Variants in MACF1 observed in about 807,000 individuals in gnomAD.
MACF1 encodes microtubule-actin cross-linking factor 1.
In MACF1, 193 loss-of-function variants were observed where a neutral mutation model predicts 854.8. The observed-to-expected ratio is 0.23, with a 90% CI of 0.20 to 0.25. MACF1 has a LOEUF of 0.25. Ranked by LOEUF, MACF1 falls within the 10% of genes least tolerant of loss-of-function variation. MACF1 has a pLI of 1.00. For missense variants in MACF1, 7,722 were observed against 8,929.1 expected, an observed-to-expected ratio of 0.86 and a Z score of 5.45; for synonymous variants, 3,185 against 3,226.7, an observed-to-expected ratio of 0.99 and a Z score of 0.44.
intron 2 of MACF1, among the ~76,000 whole-genome samples, chr1:39,165,303 GA>G (rs1207266164): frequency 1.3e-5 from 2 of 152,168 alleles, no homozygotes; most frequent in Non-Finnish European, 2.9e-5. Context: ...CTTCTGGGGT[GA>G]GGCCTGTCAA....
chr1:39,447,478 C>T lies in MACF1; in HGVS notation c.19652C>T (p.Ser6551Phe), dbSNP rs1181760647. 2 of 1,613,924 alleles carry T rather than the reference C, an allele frequency of 1.2e-6. No individual in the cohort carries two copies. The highest frequency in any genetic ancestry group is 1.7e-6 in the Non-Finnish European group (2 of 1,179,984). ...AACTTGGCAACAGAATTCCAGAATT[C>T]CCTACAAGAATTTATCAACTGGCTC... ...ALNLATEFQN[S>F]LQEFINWLTL... The change falls in exon 81 of 101, where the codon TCC becomes TTC. Residue 6551 changes from serine (S) to phenylalanine (F), a missense_variant. Coordinates refer to ENST00000564288, the MANE Select transcript of MACF1 (RefSeq NM_001394062.1).
At chr1:39,240,432 G>C (rs1206045102) in intron 2 of MACF1, among the ~76,000 whole-genome samples, 1 of 152,062 alleles carries the variant, frequency 6.6e-6, no homozygotes, top group Non-Finnish European at 1.5e-5. Context: ...ATTTGGACTT[G>C]GGCTTTACTC....
chr1:39,395,202 C>T (rs557824047), intron 58 of MACF1, among the ~76,000 whole-genome samples: 29 of 152,236 alleles, frequency 1.9e-4, no homozygotes, highest in African/African-American at 7.0e-4. Flanking sequence ...GCATTTCTGA[C>T]CTAGTAACTT....
rs776112476 is a variant in MACF1 at position 39,322,762 on chromosome 1, A to G, written c.4137+47A>G. The stretch of plus-strand genomic sequence containing the variant: ...ATACACCACTGTCTTCCCTTAAGGA[A>G]AGATTCATTTGCCTGGGCCTTACAT... On this transcript the variant is annotated intron_variant, in intron 32 of 100. Coordinates refer to ENST00000564288, the MANE Select transcript of MACF1 (RefSeq NM_001394062.1). 28 of 1,591,766 alleles carry G rather than the reference A, an allele frequency of 1.8e-5. No homozygotes were observed. In the Middle Eastern group the frequency reaches 1.3e-3, roughly 75 times the overall value.
chr1:39,354,674 C>T (rs1647376491), intron 44 of MACF1, among the ~76,000 whole-genome samples: 1 of 152,150 alleles, frequency 6.6e-6, no homozygotes, highest in African/African-American at 2.4e-5. Flanking sequence ...GTTGGGATTA[C>T]AGGTGCCCAG....
chr1:39,363,848 G>A (rs545323629), intron 49 of MACF1, among the ~76,000 whole-genome samples: 67 of 152,180 alleles, frequency 4.4e-4, no homozygotes, highest in African/African-American at 1.3e-3. Context: ...CTGACCTCAA[G>A]TGATCTGCCC....
At position 39,468,840 on chromosome 1, in the gene MACF1, T is replaced by A. The variant is rs1179011153; in HGVS notation, c.21889+108T>A. On this transcript the variant is annotated intron_variant, in intron 96 of 100. Coordinates refer to ENST00000564288, the MANE Select transcript of MACF1 (RefSeq NM_001394062.1). ...TGGGGTCTGTCTGTTTTTTATTTTG[T>A]TAAGCTGCCCAGGTGTCATCCCACT... 8.9e-6 allele frequency: 9 copies of A among 1,011,964 alleles called. No homozygotes were observed. The East Asian group carries it at 2.2e-4, about 24-fold the overall frequency. The allele number at this position is 1,011,964 out of a possible 1,614,324, so 62.7% of individuals were successfully genotyped here. A position where few individuals can be genotyped will look rare whatever the true frequency, so the allele number is the denominator to read the frequency against.
intron 2 of MACF1, among the ~76,000 whole-genome samples, chr1:39,134,709 A>T (rs1037994435): frequency 6.6e-6 from 1 of 152,224 alleles, no homozygotes; most frequent in East Asian, 1.9e-4. Flanking sequence ...TGGTTGGCAC[A>T]TAGTATGTAA....
At chr1:39,246,853 T>C (rs912361350) in intron 2 of MACF1, among the ~76,000 whole-genome samples, 3 of 151,620 alleles carry the variant, frequency 2.0e-5, no homozygotes, top group Non-Finnish European at 4.4e-5. Context: ...TATGGACTCA[T>C]GAGAGCCAAG....
At chr1:39,390,906 G>A (rs1436733165) in intron 58 of MACF1, among the ~76,000 whole-genome samples, 1 of 152,070 alleles carries the variant, frequency 6.6e-6, no homozygotes, top group African/African-American at 2.4e-5. Flanking sequence ...AGGAGATCGA[G>A]ACCATCCTGG....
intron 49 of MACF1, among the ~76,000 whole-genome samples, chr1:39,363,604 CT>C (rs1553308665): frequency 1.1e-3 from 147 of 136,040 alleles, no homozygotes; most frequent in East Asian, 1.5e-3. Context: ...TTCTTTCTTT[CT>C]TTTTTTTTTT....
At chr1:39,429,790 C>G in intron 64 of MACF1, 37 bp from the exon 65 acceptor site, 7 of 1,605,164 alleles carry the variant, frequency 4.4e-6, no homozygotes, top group Non-Finnish European at 6.0e-6. Context: ...ATTCCTAGGT[C>G]TCTTAAATAT....
chr1:39,364,569 T>C (rs1451022618), intron 49 of MACF1, among the ~76,000 whole-genome samples: 2 of 151,902 alleles, frequency 1.3e-5, no homozygotes, highest in Non-Finnish European at 1.5e-5. Flanking sequence ...CTCGGCTCAC[T>C]GCAAGCTCTG....
chr1:39,451,288 C>A, intron 85 of MACF1, 77 bp downstream of exon 85: 1 of 1,380,710 alleles, frequency 7.2e-7, no homozygotes, highest in Non-Finnish European at 9.7e-7. Flanking sequence ...CTACATATGA[C>A]TGCCTCTGCC....
In MACF1 at chr1:39,319,767, A is replaced by C. The variant is rs750182755; in HGVS notation, c.4029+20A>C. ...GTAAAGGTAACTTTACCACATCCCA[A>C]AAAGAACATGAATCATCACCAGCTC... On this transcript the variant is annotated intron_variant, in intron 31 of 100. Coordinates refer to ENST00000564288, the MANE Select transcript of MACF1 (RefSeq NM_001394062.1). 6.4e-7 allele frequency: 1 copy of C among 1,553,218 alleles called. No individual in the cohort carries two copies. Among genetic ancestry groups the C allele is most frequent in the East Asian group, 2.3e-5 (1 of 44,348 alleles).
chr1:39,410,359 T>A, intron 58 of MACF1: 1 of 1,613,986 alleles, frequency 6.2e-7, no homozygotes, highest in African/African-American at 1.3e-5. Flanking sequence ...AGAGGACTGC[T>A]ATGTTCCACA....
intron 2 of MACF1, among the ~76,000 whole-genome samples, chr1:39,233,898 A>G (rs1644818996): frequency 7.0e-6 from 1 of 143,214 alleles, no homozygotes; most frequent in Non-Finnish European, 1.5e-5. Context: ...ACACAAGTGA[A>G]CAAAGGTCTC....
Position 39,333,959 on chromosome 1 carries a change from G to T in MACF1, c.7371G>T (p.Glu2457Asp), listed in dbSNP as rs2148472471. 6.2e-7 allele frequency: 1 copy of T among 1,614,200 alleles called. No individual in the cohort carries two copies. Among genetic ancestry groups the T allele is most frequent in the Non-Finnish European group, 8.5e-7 (1 of 1,180,030 alleles). ...KGRDAEKTVR[E>D]RLISLQMETT... is the part of the protein sequence containing the mutation. ...GAGATGCTGAAAAAACAGTTAGGGA[G>T]AGATTAATTAGTTTACAAATGGAAA... The change falls in exon 37 of 101, where the codon GAG (glutamate) becomes GAT (aspartate). Residue 2457 changes from glutamate (E) to aspartate (D), a missense_variant. Glu to Asp is a conservative substitution (Grantham distance 45). Transcript: ENST00000564288.
chr1:39,291,999 A>G lies in MACF1; in HGVS notation c.1875A>G (p.Glu625=). ...ETQQHIHTSV[E]ELGSSVKEAR... is the part of the protein sequence containing the mutation. Reference sequence around the variant, plus strand: ...AGCAGCACATCCATACGAGTGTAGAAGAGCTGGGCTCAAGTGTCAAGGAGG... The same window carrying G: ...AGCAGCACATCCATACGAGTGTAGAGGAGCTGGGCTCAAGTGTCAAGGAGG... Residue 625 remains glutamate, a synonymous_variant, in exon 16 of 101, where the codon GAA becomes GAG. Transcript: ENST00000564288. The G allele has an allele frequency of 6.2e-7, 1 of 1,614,056 alleles. No homozygotes were observed. The highest frequency in any genetic ancestry group is 8.5e-7 in the Non-Finnish European group (1 of 1,179,980).
Sources: gnomAD v4.1 joint callset for allele counts (sites outside exome capture counted in the v4.1 genomes callset) on GRCh38, gnomAD v4.1.1 for gene constraint, MANE v1.5 for transcripts, NCBI Gene and HGNC (gene_info 2026-07-23, HGNC 2026-07-21) for gene names.